Variants in PDE11A observed in about 807,000 individuals in gnomAD.
The protein encoded by PDE11A is phosphodiesterase 11A, also known as dual 3',5'-cyclic-AMP and -GMP phosphodiesterase 11A.
A neutral mutation model predicts 100.5 loss-of-function variants in PDE11A; 100 were observed. That is an observed-to-expected ratio of 1.00 (90% CI 0.85 to 1.18). The LOEUF is 1.18. Ranked by LOEUF, PDE11A falls within the 50% of genes most tolerant of loss-of-function variation. The pLI, the probability that PDE11A is intolerant of heterozygous loss-of-function variation, is 0.00. For synonymous variants in PDE11A, 381 were observed against 420.8 expected (o/e 0.91, Z 1.16); for missense variants, 1,141 against 1,152.6 (o/e 0.99, Z 0.15).
At chr2:178,004,292 CCAAGAAAGG>C (rs1431126626) in intron 2 of PDE11A, among the ~76,000 whole-genome samples, 2 of 151,594 alleles carry the variant, frequency 1.3e-5, no homozygotes, top group Admixed American at 6.6e-5. Flanking sequence ...GAAAAAAAAT[CCAAGAAAGG>C]CAGAGATACC....
intron 19 of PDE11A, among the ~76,000 whole-genome samples, chr2:177,642,317 T>A (rs2105448558): frequency 6.6e-6 from 1 of 152,142 alleles, no homozygotes; most frequent in South Asian, 2.1e-4. Context: ...GTGAACAGGG[T>A]TCAAGGTTAC....
At chr2:178,011,912 G>A (rs1365535279) in intron 2 of PDE11A, 1 of 152,134 alleles carries the variant, frequency 6.6e-6, no homozygotes, top group African/African-American at 2.4e-5. Flanking sequence ...CTCACCATAT[G>A]GCCAGTACAG....
At chr2:177,992,465 T>TGCA (rs2086016121) in intron 2 of PDE11A, among the ~76,000 whole-genome samples, 1 of 143,652 alleles carries the variant, frequency 7.0e-6, no homozygotes, top group Admixed American at 7.1e-5. Flanking sequence ...CCAAAATATT[T>TGCA]CTACCATTCA....
intron 13 of PDE11A, chr2:177,702,667 A>C (rs1246352626): frequency 6.6e-6 from 1 of 152,164 alleles, no homozygotes. Flanking sequence ...CCGTCGGTTC[A>C]AGAATACAAG....
At chr2:178,072,790 C>G, upstream of PDE11A, 4 of 1,234,600 alleles carry the variant, frequency 3.2e-6, no homozygotes, top group Non-Finnish European at 4.1e-6. Context: ...ATGAGTGGAC[C>G]GCTGTGACAG....
At chr2:177,734,194 C>CA (rs145967172) in intron 10 of PDE11A, among the ~76,000 whole-genome samples, 1,614 of 152,174 alleles carry the variant, frequency 0.011, 34 homozygotes, top group African/African-American at 0.036. Context: ...ATATAAAACT[C>CA]CTTGGGAAAG....
intron 12 of PDE11A, among the ~76,000 whole-genome samples, 162 bp from the exon 13 acceptor site, chr2:177,712,040 C>T (rs1172455862): frequency 1.3e-5 from 2 of 152,228 alleles, no homozygotes; most frequent in Non-Finnish European, 2.9e-5. Flanking sequence ...GTCAGTTGCA[C>T]AGCCTAAGGT....
rs191401938 is a variant in PDE11A, at chr2:177,672,098, T to C, written c.2488-2531A>G. Among the ~76,000 whole-genome samples, 14 of 152,210 alleles carry C rather than the reference T, an allele frequency of 9.2e-5. 1 individual carries two copies. Among genetic ancestry groups the C allele is most frequent in the African/African-American group, 3.1e-4 (13 of 41,544 alleles). ...AATACCTGGAAGAGCCTCCTACCTC[T>C]TCCCTGCAGTCTACTCACCAACTCT... On this transcript the variant is annotated intron_variant, in intron 17 of 19. Transcript: ENST00000286063.
intron 13 of PDE11A, 41 bp from the exon 14 acceptor site, chr2:177,701,252 G>T: frequency 1.0e-6 from 1 of 965,894 alleles, no homozygotes; most frequent in Non-Finnish European, 1.7e-6. Context: ...GCCTATCGAT[G>T]GTTCCCCCAC....
At chr2:177,938,193 G>A (rs750848995) in intron 2 of PDE11A, among the ~76,000 whole-genome samples, 1 of 152,212 alleles carries the variant, frequency 6.6e-6, no homozygotes, top group Non-Finnish European at 1.5e-5. Context: ...AAGAGACAGA[G>A]TTTAGGGGAC....
intron 2 of PDE11A, among the ~76,000 whole-genome samples, chr2:177,934,050 C>T (rs12693143): frequency 0.086 from 13,152 of 152,086 alleles, 536 homozygotes; most frequent in South Asian, 0.099. Flanking sequence ...CTAGGAAACA[C>T]CATTCTGAAC....
intron 5 of PDE11A, among the ~76,000 whole-genome samples, chr2:177,845,144 CGGG>C (rs1558968500): frequency 3.0e-4 from 46 of 150,936 alleles, no homozygotes; most frequent in Non-Finnish European, 1.9e-4. Flanking sequence ...ACCTCCCGGA[CGGG>C]GCGGCTGGCC....
chr2:177,787,039 G>A (rs568885530), intron 9 of PDE11A, among the ~76,000 whole-genome samples: 11,948 of 139,410 alleles, frequency 0.086, 680 homozygotes, highest in Non-Finnish European at 0.12. Context: ...TACAGAGAAC[G>A]CCACAAAGAT....
intron 4 of PDE11A, among the ~76,000 whole-genome samples, chr2:177,877,400 G>C (rs1280136311): frequency 1.3e-5 from 2 of 152,054 alleles, no homozygotes; most frequent in African/African-American, 4.8e-5. Context: ...CCTCACCCCA[G>C]ATGAGGCACA....
intron 19 of PDE11A, among the ~76,000 whole-genome samples, chr2:177,636,482 AC>A (rs1330855765): frequency 6.6e-6 from 1 of 152,168 alleles, no homozygotes; most frequent in Non-Finnish European, 1.5e-5. Context: ...TCATTAGCAA[AC>A]TTTTACTGAA....
At chr2:178,077,260 C>CTTTCT (rs1559064759), upstream of PDE11A, among the ~76,000 whole-genome samples, 1 of 98,650 alleles carries the variant, frequency 1.0e-5, no homozygotes. Flanking sequence ...TTCTTTCTTT[C>CTTTCT]TTTTTTTTTT....
chr2:177,704,997 C>A lies in PDE11A; in HGVS notation c.2154-3786G>T, dbSNP rs566134620. ...CTGGGATTACAGACATGCACCACCA[C>A]GCTTAGCTAATTTTTTGTATCTTTA... On this transcript the variant is annotated intron_variant, in intron 13 of 19. Transcript: ENST00000286063. Among the ~76,000 whole-genome samples, 28 of 152,200 alleles carry A rather than the reference C, an allele frequency of 1.8e-4. No individual in the cohort carries two copies. The Middle Eastern group carries it at 0.014, about 74-fold the overall frequency.
intron 4 of PDE11A, among the ~76,000 whole-genome samples, chr2:177,880,185 C>T (rs186023909): frequency 3.2e-4 from 48 of 152,302 alleles, no homozygotes; most frequent in Non-Finnish European, 6.3e-4. Context: ...GAGATAATCT[C>T]TAAACCCTTG....
At chr2:177,730,222 C>T (rs2105450335) in intron 10 of PDE11A, among the ~76,000 whole-genome samples, 1 of 152,262 alleles carries the variant, frequency 6.6e-6, no homozygotes, top group East Asian at 1.9e-4. Context: ...GCTATCCTTC[C>T]TCCCTCCCCA....
Sources: allele counts gnomAD v4.1 joint callset (sites outside exome capture counted in the v4.1 genomes callset), GRCh38; gene constraint gnomAD v4.1.1; transcripts MANE v1.5; gene names NCBI Gene and HGNC (gene_info 2026-07-23, HGNC 2026-07-21).